TNFAIP8: variants seen among roughly 807,000 people sequenced by gnomAD.
TNFAIP8 encodes the protein tumor necrosis factor alpha-induced protein 8.
A neutral mutation model predicts 13.3 loss-of-function variants in TNFAIP8; 7 were observed. The observed-to-expected ratio is 0.52, with a 90% CI of 0.30 to 0.99. The LOEUF (loss-of-function observed/expected upper bound fraction) is 0.99. Among genes scored for constraint, TNFAIP8 ranks in the 50% least tolerant of loss-of-function variants. TNFAIP8 has a pLI of 0.07. For missense variants in TNFAIP8, 258 were observed against 236.9 expected, an observed-to-expected ratio of 1.09 and a Z score of -0.58; for synonymous variants, 94 against 87.6, an observed-to-expected ratio of 1.07 and a Z score of -0.41.
At chr5:119,341,225 G>A (rs1360485748) in intron 1 of TNFAIP8, among the ~76,000 whole-genome samples, 1 of 151,950 alleles carries the variant, frequency 6.6e-6, no homozygotes, top group Non-Finnish European at 1.5e-5. Flanking sequence ...CTAAGCGAGA[G>A]ATTGCTTATT....
At chr5:119,317,083 C>T (rs1581599401) in intron 1 of TNFAIP8, among the ~76,000 whole-genome samples, 1 of 152,106 alleles carries the variant, frequency 6.6e-6, no homozygotes, top group East Asian at 1.9e-4. Context: ...TTTAGCCACC[C>T]GGCAAGATAA....
intron 1 of TNFAIP8, among the ~76,000 whole-genome samples, chr5:119,344,912 C>T (rs573135222): frequency 1.2e-4 from 18 of 152,284 alleles, no homozygotes; most frequent in Admixed American, 2.0e-4. Flanking sequence ...CTAGATAGGG[C>T]GAGCCTAAGG....
At chr5:119,337,181 T>C (rs951358253) in intron 1 of TNFAIP8, among the ~76,000 whole-genome samples, 2 of 152,228 alleles carry the variant, frequency 1.3e-5, no homozygotes, top group African/African-American at 4.8e-5. Flanking sequence ...CCTCATTCTT[T>C]CCCTTCCTGT....
chr5:119,298,363 T>C (rs1749247047), intron 1 of TNFAIP8, among the ~76,000 whole-genome samples: 1 of 152,136 alleles, frequency 6.6e-6, no homozygotes, highest in Admixed American at 6.6e-5. Context: ...CCTTCACTTA[T>C]GAAGCTTAGT....
intron 1 of TNFAIP8, among the ~76,000 whole-genome samples, chr5:119,270,281 T>G (rs942037954): frequency 2.0e-5 from 3 of 152,256 alleles, no homozygotes; most frequent in African/African-American, 7.2e-5. Flanking sequence ...CTGTTTTAAC[T>G]AAGGAAACAT....
At position 119,393,469 on chromosome 5, in the gene TNFAIP8, A is replaced by T. The variant is rs1488275621; in HGVS notation, c.*88A>T. ...GAAGGAAAAAAGAAGAATTTTCTAA[A>T]GATTACACATATTTCAGAAAGACTT... is the stretch of plus-strand genomic sequence containing the variant. On this transcript the variant is annotated 3_prime_UTR_variant, in exon 2 of 2. Coordinates refer to ENST00000504771, the MANE Select transcript of TNFAIP8 (RefSeq NM_014350.4). The T allele has an allele frequency of 8.3e-7, 1 of 1,208,228 alleles. No homozygotes were observed. The highest frequency in any genetic ancestry group is 2.3e-5 in the East Asian group (1 of 42,682). The allele number at this position is 1,208,228 out of a possible 1,614,324, so 74.8% of individuals were successfully genotyped here.
intron 1 of TNFAIP8, among the ~76,000 whole-genome samples, chr5:119,330,082 A>G (rs1750326503): frequency 6.6e-6 from 1 of 152,156 alleles, no homozygotes; most frequent in Admixed American, 6.5e-5. Context: ...GGGGGAAGCT[A>G]TAATTAGCGC....
intron 1 of TNFAIP8, among the ~76,000 whole-genome samples, chr5:119,271,851 A>C (rs893127242): frequency 2.6e-5 from 4 of 152,174 alleles, no homozygotes; most frequent in African/African-American, 9.7e-5. Context: ...ACACAGCAAG[A>C]ACTCAACAAA....
intron 1 of TNFAIP8, among the ~76,000 whole-genome samples, chr5:119,359,364 T>C (rs1248746456): frequency 6.6e-6 from 1 of 152,138 alleles, no homozygotes; most frequent in Non-Finnish European, 1.5e-5. Flanking sequence ...TCGCCCTCTC[T>C]CAGAGCACCT....
upstream of TNFAIP8, among the ~76,000 whole-genome samples, chr5:119,352,911 T>A (rs897019726): frequency 1.3e-5 from 2 of 152,306 alleles, no homozygotes; most frequent in African/African-American, 4.8e-5. Context: ...AATTTACATA[T>A]GACACACACA....
intron 1 of TNFAIP8, among the ~76,000 whole-genome samples, chr5:119,389,771 G>T (rs544438154): frequency 1.3e-4 from 20 of 152,262 alleles, no homozygotes; most frequent in African/African-American, 4.6e-4. Context: ...ATAACCCAAA[G>T]AATAAAAGGA....
At chr5:119,311,351 G>T (rs908744340) in intron 1 of TNFAIP8, among the ~76,000 whole-genome samples, 2 of 151,244 alleles carry the variant, frequency 1.3e-5, no homozygotes, top group African/African-American at 4.9e-5. Flanking sequence ...GGAAACAAAA[G>T]GTTGAAATGG....
chr5:119,318,550 T>C (rs1177791631), intron 1 of TNFAIP8, among the ~76,000 whole-genome samples: 1 of 152,098 alleles, frequency 6.6e-6, no homozygotes, highest in Non-Finnish European at 1.5e-5. Context: ...CGTGCTTCAG[T>C]CTCCCAAAAT....
At chr5:119,342,290 C>T (rs184523970) in intron 1 of TNFAIP8, among the ~76,000 whole-genome samples, 7 of 152,266 alleles carry the variant, frequency 4.6e-5, no homozygotes, top group East Asian at 1.9e-4. Context: ...GTTAGAGCTG[C>T]GGAACCAGCA....
chr5:119,337,422 T>G (rs1370321600), intron 1 of TNFAIP8, among the ~76,000 whole-genome samples: 1 of 152,216 alleles, frequency 6.6e-6, no homozygotes, highest in Non-Finnish European at 1.5e-5. Flanking sequence ...TGCCTGTCAC[T>G]AGAACCTGAG....
At chr5:119,274,594 A>G (rs1184027342) in intron 1 of TNFAIP8, among the ~76,000 whole-genome samples, 2 of 152,300 alleles carry the variant, frequency 1.3e-5, no homozygotes, top group East Asian at 3.9e-4. Context: ...CTTTGCTTTT[A>G]TGACCTGGAA....
At chr5:119,385,337 C>T (rs540762571) in intron 1 of TNFAIP8, among the ~76,000 whole-genome samples, 7 of 152,326 alleles carry the variant, frequency 4.6e-5, no homozygotes, top group African/African-American at 1.2e-4. Context: ...GCTTCAGAAA[C>T]TGCATGAGAA....
At chr5:119,351,168 A>G (rs913483885), upstream of TNFAIP8, among the ~76,000 whole-genome samples, 6 of 137,496 alleles carry the variant, frequency 4.4e-5, no homozygotes, top group Non-Finnish European at 8.5e-5. Context: ...GACTACAGGC[A>G]TGCACCACCA....
At chr5:119,309,912 T>G (rs1337984494) in intron 1 of TNFAIP8, among the ~76,000 whole-genome samples, 2 of 152,116 alleles carry the variant, frequency 1.3e-5, no homozygotes, top group African/African-American at 4.8e-5. Flanking sequence ...GTCATTTGCT[T>G]CTTTAAGCCA....
Sources: gnomAD v4.1 joint callset for allele counts (sites outside exome capture counted in the v4.1 genomes callset) on GRCh38, gnomAD v4.1.1 for gene constraint, MANE v1.5 for transcripts, NCBI Gene and HGNC (gene_info 2026-07-23, HGNC 2026-07-21) for gene names.